Variants in NLGN4Y observed in about 807,000 individuals in gnomAD.
NLGN4Y encodes the protein neuroligin 4 Y-linked, also known as neuroligin-4, Y-linked.
A neutral mutation model predicts 8.4 loss-of-function variants in NLGN4Y; 4 were observed. The ratio of observed to expected loss-of-function variants is 0.48; its 90% CI spans 0.23 to 1.09. NLGN4Y has a LOEUF of 1.09. Ranked by LOEUF, NLGN4Y falls within the 50% of genes least tolerant of loss-of-function variation. The pLI is 0.19. For synonymous variants in NLGN4Y, 35 were observed against 75.6 expected (o/e 0.46, Z 2.78); for missense variants, 90 against 192.3 (o/e 0.47, Z 3.15).
At chrY:14,662,128 A>G in intron 2 of NLGN4Y, among the ~76,000 whole-genome samples, 1 of 33,922 alleles carries the variant, frequency 2.9e-5, no homozygotes, top group Non-Finnish European at 7.3e-5. Flanking sequence ...TTTTCAAATC[A>G]TCTTCCTCAG....
At chrY:14,608,761 C>T in intron 1 of NLGN4Y, among the ~76,000 whole-genome samples, 2 of 32,154 alleles carry the variant, frequency 6.2e-5, no homozygotes, top group East Asian at 8.1e-4. Context: ...AGTCACTGTT[C>T]GCTTGATGAG....
intron 1 of NLGN4Y, among the ~76,000 whole-genome samples, chrY:14,531,633 G>C: frequency 6.7e-5 from 2 of 29,799 alleles, no homozygotes; most frequent in Admixed American, 6.5e-4. Flanking sequence ...AATGTGTTTT[G>C]TATACTTATT....
intron 1 of NLGN4Y, among the ~76,000 whole-genome samples, chrY:14,584,214 C>G (rs2080329828): frequency 3.0e-5 from 1 of 33,538 alleles, no homozygotes; most frequent in African/African-American, 1.2e-4. Flanking sequence ...TGCAACTTCC[C>G]TGTCTCGAGC....
chrY:14,681,516 C>T (rs1043047261), intron 2 of NLGN4Y, among the ~76,000 whole-genome samples: 2 of 33,554 alleles, frequency 6.0e-5, no homozygotes, highest in Admixed American at 2.7e-4. Flanking sequence ...AGAGCCAGAC[C>T]ACATCACCTA....
chrY:14,582,518 T>C (rs575586470), intron 1 of NLGN4Y, among the ~76,000 whole-genome samples: 83 of 32,884 alleles, frequency 2.5e-3, no homozygotes, highest in African/African-American at 9.3e-3. Context: ...GTAATCCCAG[T>C]ACTTTGAGGG....
chrY:14,631,209 G>T (rs750084872), intron 2 of NLGN4Y, among the ~76,000 whole-genome samples: 1 of 33,058 alleles, frequency 3.0e-5, no homozygotes, highest in East Asian at 8.0e-4. Flanking sequence ...TGGGATTACA[G>T]GCATGTGCCA....
intron 1 of NLGN4Y, among the ~76,000 whole-genome samples, chrY:14,601,105 C>A (rs2080424974): frequency 7.9e-4 from 22 of 28,010 alleles, no homozygotes; most frequent in Admixed American, 3.3e-4. Flanking sequence ...TTTTCTTTTT[C>A]TTTTTTTTTT....
At chrY:14,773,021 C>T (rs993606643) in intron 4 of NLGN4Y, among the ~76,000 whole-genome samples, 1 of 32,973 alleles carries the variant, frequency 3.0e-5, no homozygotes, top group Non-Finnish European at 7.4e-5. Context: ...GACAAAGATG[C>T]CCTCTCTCAA....
At chrY:14,663,235 A>G in intron 2 of NLGN4Y, among the ~76,000 whole-genome samples, 1 of 33,285 alleles carries the variant, frequency 3.0e-5, no homozygotes, top group Non-Finnish European at 7.4e-5. Flanking sequence ...ATAGTACTCT[A>G]TTGTGTATGT....
At chrY:14,815,209 A>C (rs890389707) in intron 4 of NLGN4Y, among the ~76,000 whole-genome samples, 1 of 33,373 alleles carries the variant, frequency 3.0e-5, no homozygotes, top group Non-Finnish European at 7.4e-5. Flanking sequence ...TCCAGAGAAT[A>C]GCTGAAAAGG....
At chrY:14,670,363 C>T in intron 2 of NLGN4Y, among the ~76,000 whole-genome samples, 2 of 34,056 alleles carry the variant, frequency 5.9e-5, no homozygotes, top group Non-Finnish European at 1.5e-4. Flanking sequence ...TGTCCAATTG[C>T]ATTCATATGT....
At chrY:14,819,600 C>T (rs2043115404) in intron 4 of NLGN4Y, among the ~76,000 whole-genome samples, 1 of 32,317 alleles carries the variant, frequency 3.1e-5, no homozygotes, top group African/African-American at 1.2e-4. Flanking sequence ...TTGCTTGTTC[C>T]CCTTCTGGGT....
chrY:14,816,058 A>G lies in NLGN4Y; in HGVS notation c.686-8130A>G, dbSNP rs2150589796. ...CTAGAGGAGACATGTCCTTGTAAAT[A>G]GGGATTTGGCTATTTGATGAGTGTT... On this transcript the variant is annotated intron_variant, in intron 4 of 6. Coordinates refer to ENST00000684976, the MANE Select transcript of NLGN4Y (RefSeq NM_001365588.1). Among the ~76,000 whole-genome samples the G allele has an allele frequency of 1.8e-4, 6 of 33,707 alleles. No individual in the cohort carries two copies. The East Asian group carries it at 4.8e-3, about 27-fold the overall frequency. The allele number at this position is 33,707 out of a possible 37,273, so 90.4% of individuals were successfully genotyped here. A position where few individuals can be genotyped will look rare whatever the true frequency, so the allele number is the denominator to read the frequency against.
chrY:14,543,703 C>T, intron 1 of NLGN4Y, among the ~76,000 whole-genome samples: 1 of 33,124 alleles, frequency 3.0e-5, no homozygotes, highest in African/African-American at 1.2e-4. Context: ...AATCATAGCT[C>T]GATGCAGCCT....
intron 4 of NLGN4Y, among the ~76,000 whole-genome samples, chrY:14,821,306 G>A: frequency 3.0e-5 from 1 of 33,489 alleles, no homozygotes; most frequent in African/African-American, 1.2e-4. Context: ...TTACTGTGAA[G>A]AGTGAAAGAA....
chrY:14,709,573 A>T (rs2080893903), intron 2 of NLGN4Y, among the ~76,000 whole-genome samples: 1 of 33,144 alleles, frequency 3.0e-5, no homozygotes, highest in African/African-American at 1.2e-4. Flanking sequence ...ATTAGCCGGG[A>T]ATGGTGGCGC....
intron 2 of NLGN4Y, among the ~76,000 whole-genome samples, chrY:14,632,167 T>G: frequency 8.8e-5 from 3 of 33,948 alleles, no homozygotes; most frequent in Admixed American, 2.7e-4. Flanking sequence ...CCAGGCATAA[T>G]AAATGCTGAT....
intron 1 of NLGN4Y, among the ~76,000 whole-genome samples, chrY:14,556,276 C>G: frequency 3.0e-5 from 1 of 33,536 alleles, no homozygotes; most frequent in African/African-American, 1.2e-4. Context: ...CTCTGCCACT[C>G]TACCTGCTAA....
chrY:14,775,058 T>C (rs750910496), intron 4 of NLGN4Y, among the ~76,000 whole-genome samples: 1 of 32,455 alleles, frequency 3.1e-5, no homozygotes, highest in Admixed American at 2.8e-4. Flanking sequence ...ATGTAGATGA[T>C]AGCTTGATGG....
Sources: allele counts gnomAD v4.1 joint callset (sites outside exome capture counted in the v4.1 genomes callset), GRCh38; gene constraint gnomAD v4.1.1; transcripts MANE v1.5; gene names NCBI Gene and HGNC (gene_info 2026-07-23, HGNC 2026-07-21).